The following FRY variants were observed in gnomAD, a reference collection of about 807,000 sequenced individuals.
FRY encodes protein furry homolog.
In FRY, 128 loss-of-function variants were observed where a neutral mutation model predicts 348.4. That is an observed-to-expected ratio of 0.37 (90% CI 0.32 to 0.43). The LOEUF (loss-of-function observed/expected upper bound fraction) is 0.43. Among genes scored for constraint, FRY ranks in the 20% least tolerant of loss-of-function variants. The pLI, the probability that FRY is intolerant of heterozygous loss-of-function variation, is 1.00. For missense variants in FRY, 2,736 were observed against 3,695.2 expected (o/e 0.74, Z 6.73); for synonymous variants, 1,370 against 1,374.7 (o/e 1.00, Z 0.08).
At chr13:32,276,617 C>G (rs985682174) in intron 57 of FRY, 55 bp downstream of exon 57, 1 of 889,024 alleles carries the variant, frequency 1.1e-6, no homozygotes, top group South Asian at 1.3e-5. Flanking sequence ...ATGAACCCAA[C>G]CACTCTGAGT....
intron 29 of FRY, among the ~76,000 whole-genome samples, chr13:32,195,264 AAGTT>A (rs58938270): frequency 0.36 from 54,926 of 151,606 alleles, 10,151 homozygotes; most frequent in Admixed American, 0.4. Context: ...ATATGCATAA[AAGTT>A]AGAGCAAATG....
chr13:32,175,701 A>G, intron 20 of FRY, 69 bp downstream of exon 20: 1 of 913,042 alleles, frequency 1.1e-6, no homozygotes, highest in South Asian at 1.3e-5. Flanking sequence ...AGTCAGTGAA[A>G]AATTATGTGG....
intron 20 of FRY, among the ~76,000 whole-genome samples, chr13:32,176,287 G>C (rs1381233516): frequency 6.6e-6 from 1 of 152,214 alleles, no homozygotes; most frequent in Non-Finnish European, 1.5e-5. Context: ...AAAAATAAAA[G>C]TATAATAACA....
intron 1 of FRY, chr13:32,038,637 G>C (rs988988328): frequency 9.2e-5 from 14 of 152,286 alleles, no homozygotes; most frequent in Middle Eastern, 3.4e-3. Flanking sequence ...TGAACTGCCA[G>C]CTATGTGAAT....
intron 43 of FRY, among the ~76,000 whole-genome samples, chr13:32,236,761 GC>G (rs1223450110): frequency 1.3e-5 from 2 of 151,850 alleles, no homozygotes; most frequent in Non-Finnish European, 2.9e-5. Context: ...ATCCGATTGG[GC>G]CTTGTTTTAT....
intron 17 of FRY, among the ~76,000 whole-genome samples, chr13:32,170,040 A>G (rs950569662): frequency 6.6e-6 from 1 of 152,144 alleles, no homozygotes. Flanking sequence ...GCTTCTACCC[A>G]CTAGAGAAAT....
intron 48 of FRY, 53 bp from the exon 49 acceptor site, chr13:32,249,473 A>G: frequency 6.3e-7 from 1 of 1,591,010 alleles, no homozygotes; most frequent in Non-Finnish European, 8.6e-7. Context: ...GAAGGGTTTC[A>G]TATATCACAA....
chr13:32,243,861 G>T (rs1161030545), intron 46 of FRY, among the ~76,000 whole-genome samples, 181 bp from the exon 47 acceptor site: 3 of 152,184 alleles, frequency 2.0e-5, no homozygotes, highest in Non-Finnish European at 2.9e-5. Context: ...TCGAGCTGAG[G>T]CAGGAGGATC....
rs1282389768 is a variant in FRY at position 32,237,341 on chromosome 13, G to T, written c.5811-38G>T. ...AAAGGACTGGCTTTTGGTGACACAT[G>T]TTGGCATCCTATTAAACTTATTTAT... On this transcript the variant is annotated intron_variant, in intron 43 of 60. Coordinates refer to ENST00000542859, the MANE Select transcript of FRY (RefSeq NM_023037.3). The surrounding 1 kb of genome is among the most constrained non-coding windows in gnomAD (Gnocchi z 6.3). The T allele has an allele frequency of 5.0e-6, 8 of 1,608,992 alleles. No individual in the cohort carries two copies. Among genetic ancestry groups the T allele is most frequent in the Non-Finnish European group, 6.8e-6 (8 of 1,178,644 alleles).
At chr13:32,112,617 G>A (rs1436403551) in intron 3 of FRY, among the ~76,000 whole-genome samples, 3 of 152,206 alleles carry the variant, frequency 2.0e-5, no homozygotes, top group Non-Finnish European at 2.9e-5. Context: ...TGTCATATCC[G>A]TGAATTGCAG....
intron 3 of FRY, among the ~76,000 whole-genome samples, chr13:32,109,511 T>C (rs1296066707): frequency 6.6e-6 from 1 of 152,152 alleles, no homozygotes; most frequent in African/African-American, 2.4e-5. Context: ...ATAAGCCTTT[T>C]ATCCAGATGA....
intron 1 of FRY, among the ~76,000 whole-genome samples, chr13:32,043,369 G>C (rs1012102726): frequency 6.6e-6 from 1 of 152,166 alleles, no homozygotes; most frequent in Non-Finnish European, 1.5e-5. Flanking sequence ...ATCTGTTGTT[G>C]TATAGCATTG....
chr13:32,043,892 A>G (rs1872877730), intron 1 of FRY, among the ~76,000 whole-genome samples: 1 of 152,170 alleles, frequency 6.6e-6, no homozygotes, highest in Admixed American at 6.5e-5. Flanking sequence ...CAATCACTTG[A>G]GCCCCTTAAG....
At chr13:32,263,858 A>G (rs539391164) in intron 53 of FRY, among the ~76,000 whole-genome samples, 2 of 152,224 alleles carry the variant, frequency 1.3e-5, no homozygotes, top group Non-Finnish European at 2.9e-5. Context: ...AACACAAAAA[A>G]ATTAACCGGT....
rs2138222124 is a variant in FRY, at chr13:32,173,697, A to G, written c.2334+148A>G. On this transcript the variant is annotated intron_variant, in intron 19 of 60. Transcript: ENST00000542859. ...CATTGTTAGGTTTTAAACTATTGTA[A>G]TAACATTCTTGATCTACTAGATGTA... 6 of 709,852 alleles carry G rather than the reference A, an allele frequency of 8.5e-6. No homozygotes were observed. In the East Asian group the frequency reaches 1.1e-4, roughly 13 times the overall value. The allele number at this position is 709,852 out of a possible 1,614,324, so 44.0% of individuals were successfully genotyped here.
At chr13:32,044,316 A>G (rs983373623) in intron 1 of FRY, among the ~76,000 whole-genome samples, 4 of 152,208 alleles carry the variant, frequency 2.6e-5, no homozygotes, top group African/African-American at 9.6e-5. Flanking sequence ...TATTAATTTG[A>G]AAGGGCTTTA....
At chr13:32,227,544 G>A (rs1294771531) in intron 39 of FRY, among the ~76,000 whole-genome samples, 2 of 152,156 alleles carry the variant, frequency 1.3e-5, no homozygotes, top group African/African-American at 2.4e-5. Context: ...AGCCTACCCA[G>A]AGGTATAGAA....
At chr13:32,228,046 A>G (rs376747610) in intron 39 of FRY, among the ~76,000 whole-genome samples, 81 of 152,302 alleles carry the variant, frequency 5.3e-4, no homozygotes, top group Middle Eastern at 6.8e-3. Flanking sequence ...CACCGCGCCC[A>G]GCCCGTTTCA....
chr13:32,169,849 T>C (rs1228584700), intron 17 of FRY, among the ~76,000 whole-genome samples: 2 of 152,204 alleles, frequency 1.3e-5, no homozygotes, highest in Non-Finnish European at 2.9e-5. Context: ...ATCCTACCAA[T>C]GTCAAGATTT....
Sources: allele counts gnomAD v4.1 joint callset (sites outside exome capture counted in the v4.1 genomes callset), GRCh38; gene constraint gnomAD v4.1.1; non-coding constraint Gnocchi (gnomAD v3.1); transcripts MANE v1.5; gene names NCBI Gene and HGNC (gene_info 2026-07-23, HGNC 2026-07-21).